BRSK2: variants seen among roughly 807,000 people sequenced by gnomAD.
The protein encoded by BRSK2 is serine/threonine-protein kinase BRSK2.
A neutral mutation model predicts 83.3 loss-of-function variants in BRSK2; 19 were observed. The observed-to-expected ratio is 0.23, with a 90% CI of 0.16 to 0.33. The LOEUF is 0.33. Among genes scored for constraint, BRSK2 ranks in the 10% least tolerant of loss-of-function variants. The pLI is 1.00. For synonymous variants in BRSK2, 519 were observed against 435.4 expected (o/e 1.19, Z -2.39); for missense variants, 798 against 1,042.3 (o/e 0.77, Z 3.23).
In BRSK2 at chr11:1,442,527, G is replaced by A. The variant is rs1205772599; in HGVS notation, c.451G>A (p.Glu151Lys). The stretch of plus-strand genomic sequence containing the variant: ...GAAACCTGAAAACCTCCTGCTGGAC[G>A]AGAAGAACAACATCCGCATCGCAGA... ...DLKPENLLLDEKNNIRIADFG... is the reference protein window; with the variant it reads ...DLKPENLLLDKKNNIRIADFG... The change falls in exon 5 of 20, where the codon GAG becomes AAG. Residue 151 changes from glutamate to lysine, a missense_variant. This residue lies in a region of BRSK2 where 109 missense variants were observed against 259.2 expected (regional missense o/e 0.42). Transcript: ENST00000528841. 1.2e-6 allele frequency: 2 copies of A among 1,613,090 alleles called. No homozygotes were observed. The highest frequency in any genetic ancestry group is 1.7e-6 in the Non-Finnish European group (2 of 1,179,774).
Position 1,461,226 on chromosome 11 carries a change from C to G in BRSK2, c.*503C>G. 1 of 616,212 alleles carries G rather than the reference C, an allele frequency of 1.6e-6. No individual in the cohort carries two copies. The highest frequency in any genetic ancestry group is 4.4e-4 in the Middle Eastern group (1 of 2,288). The allele number at this position is 616,212 out of a possible 1,614,324, so 38.2% of individuals were successfully genotyped here. On this transcript the variant is annotated 3_prime_UTR_variant, in exon 20 of 20. Transcript: ENST00000528841. ...TCACCTGACCCCTCAGCAAGAACAG[C>G]CTGCCTGGTGGCCTTCTGGGGCCAG...
chr11:1,460,276 C>T (rs1026848598), intron 19 of BRSK2, among the ~76,000 whole-genome samples: 1 of 152,144 alleles, frequency 6.6e-6, no homozygotes, highest in Non-Finnish European at 1.5e-5. Context: ...CCCCAGCGTA[C>T]AGGGCCCCTG....
Position 1,461,003 on chromosome 11 carries a change from C to G in BRSK2, c.*280C>G. On this transcript the variant is annotated 3_prime_UTR_variant, in exon 20 of 20. Coordinates refer to ENST00000528841, the MANE Select transcript of BRSK2 (RefSeq NM_001256627.2). ...CCGAAAAGTTAACATGTCACCTCCA[C>G]GAGGCCATCCTCTGTGACCGAAGGC... The G allele has an allele frequency of 6.2e-7, 1 of 1,612,146 alleles. No individual in the cohort carries two copies. Among genetic ancestry groups the G allele is most frequent in the East Asian group, 2.2e-5 (1 of 44,840 alleles).
rs914328363 is a variant in BRSK2 at position 1,454,029 on chromosome 11, G to T, written c.1545-456G>T. On this transcript the variant is annotated intron_variant, in intron 15 of 19. Coordinates refer to ENST00000528841, the MANE Select transcript of BRSK2 (RefSeq NM_001256627.2). The surrounding 1 kb of genome is among the most constrained non-coding windows in gnomAD (Gnocchi z 5.2). ...GCCAGCAAGACAGGAGTAGCCTTCT[G>T]TGGCCTCAGAAGCGCCTCCCCACTC... is the stretch of plus-strand genomic sequence containing the variant. 1 of 156,802 alleles carries T rather than the reference G, an allele frequency of 6.4e-6. No individual in the cohort carries two copies. Among genetic ancestry groups the T allele is most frequent in the Non-Finnish European group, 1.4e-5 (1 of 70,914 alleles). 9.7% of individuals were successfully genotyped at this position (156,802 alleles called of 1,614,324 possible).
In BRSK2 at chr11:1,454,587, C is replaced by T; in HGVS notation, c.1647C>T (p.Asp549=). 1.9e-6 allele frequency: 3 copies of T among 1,613,152 alleles called. No homozygotes were observed. Among genetic ancestry groups the T allele is most frequent in the Non-Finnish European group, 1.7e-6 (2 of 1,179,946 alleles). ...KDKPLSSIKA[D]IVHAFLSIPS... ...AACCTCTGAGCTCCATCAAGGCTGA[C>T]ATCGTGCACGCCTTCCTGTCGGTGA... Residue 549 remains aspartate (D), a synonymous_variant, in exon 16 of 20, where the codon GAC becomes GAT. Transcript: ENST00000528841. The surrounding 1 kb of genome is among the most constrained non-coding windows in gnomAD (Gnocchi z 5.2).
chr11:1,457,623 G>T (rs751742046), intron 18 of BRSK2, among the ~76,000 whole-genome samples: 4 of 152,150 alleles, frequency 2.6e-5, no homozygotes, highest in Non-Finnish European at 4.4e-5. Flanking sequence ...GCTGGGCGTC[G>T]TGGGGGAGCA....
intron 1 of BRSK2, chr11:1,411,574 A>C (rs1337537134): frequency 6.3e-7 from 1 of 1,583,138 alleles, no homozygotes; most frequent in Non-Finnish European, 8.5e-7. Context: ...CAGCTGCTCC[A>C]GCCGCACCTC....
chr11:1,406,591 C>T (rs1846891328), intron 1 of BRSK2, among the ~76,000 whole-genome samples: 1 of 152,218 alleles, frequency 6.6e-6, no homozygotes, highest in South Asian at 2.1e-4. Flanking sequence ...AGGGCGGGGG[C>T]CCAAACCCCT....
Position 1,460,818 on chromosome 11 carries a change from C to A in BRSK2, c.*95C>A. 1 of 1,493,202 alleles carries A rather than the reference C, an allele frequency of 6.7e-7. No homozygotes were observed. Among genetic ancestry groups the A allele is most frequent in the Non-Finnish European group, 8.9e-7 (1 of 1,129,900 alleles). The allele number at this position is 1,493,202 out of a possible 1,614,324, so 92.5% of individuals were successfully genotyped here. ...CGAGTGGACCCGCGGCCGCGCCGCC[C>A]GTCCGTCCAGACTGTTCTCAGAGCC... is the stretch of plus-strand genomic sequence containing the variant. On this transcript the variant is annotated 3_prime_UTR_variant, in exon 20 of 20. Transcript: ENST00000528841.
At chr11:1,427,453 T>C (rs1319417005) in intron 1 of BRSK2, among the ~76,000 whole-genome samples, 1 of 152,158 alleles carries the variant, frequency 6.6e-6, no homozygotes. Context: ...AACGTGCTAG[T>C]CTGCTCCCTG....
intron 6 of BRSK2, 22 bp downstream of exon 6, chr11:1,443,161 C>T: frequency 6.5e-7 from 1 of 1,537,524 alleles, no homozygotes. Context: ...CCGCCGCGTG[C>T]AGCTCTGTGG....
chr11:1,448,401 G>T (rs941915130), intron 12 of BRSK2, among the ~76,000 whole-genome samples: 1 of 152,166 alleles, frequency 6.6e-6, no homozygotes, highest in East Asian at 1.9e-4. Flanking sequence ...TGCCTACCTG[G>T]GACCCTCACC....
intron 15 of BRSK2, among the ~76,000 whole-genome samples, chr11:1,451,686 G>A (rs1035200638): frequency 1.3e-5 from 2 of 152,224 alleles, no homozygotes; most frequent in African/African-American, 4.8e-5. Context: ...CGAGCAGGGG[G>A]TACACTGGGC....
At chr11:1,410,543 C>T (rs1439081112) in intron 1 of BRSK2, 4 of 985,458 alleles carry the variant, frequency 4.1e-6, no homozygotes, top group African/African-American at 3.5e-5. Context: ...CTGCTGAGCA[C>T]GAGACGCCGC....
chr11:1,443,248 C>A, intron 6 of BRSK2, 87 bp from the exon 7 acceptor site: 5 of 1,522,032 alleles, frequency 3.3e-6, no homozygotes, highest in Non-Finnish European at 4.4e-6. Context: ...GCTGCCTGTC[C>A]CCGGGCCGAC....
chr11:1,392,741 G>A (rs1463944092), intron 1 of BRSK2, among the ~76,000 whole-genome samples: 3 of 152,242 alleles, frequency 2.0e-5, no homozygotes, highest in Non-Finnish European at 2.9e-5. Flanking sequence ...CCGGTCGGCT[G>A]TCTTCTTCTG....
chr11:1,400,723 TG>T (rs1400630779), intron 1 of BRSK2, among the ~76,000 whole-genome samples: 1 of 151,774 alleles, frequency 6.6e-6, no homozygotes, highest in African/African-American at 2.4e-5. Flanking sequence ...TGGTCGGGGG[TG>T]GGGGCAGGTA....
intron 9 of BRSK2, 73 bp downstream of exon 9, chr11:1,445,075 CG>C: frequency 1.3e-6 from 2 of 1,573,910 alleles, no homozygotes; most frequent in Non-Finnish European, 1.7e-6. Flanking sequence ...CTAGGAAAGG[CG>C]GGGGGAGGGC....
Position 1,460,444 on chromosome 11 carries a change from C to T in BRSK2, c.1988-56C>T, listed in dbSNP as rs1348811220. ...TCCCTCCCCTCCTCTTTCTCTCCCCCTTTTTTTTCTTTTTTCCTTTTTTTT... is the reference window on the plus strand; with the variant it reads ...TCCCTCCCCTCCTCTTTCTCTCCCCTTTTTTTTTCTTTTTTCCTTTTTTTT... On this transcript the variant is annotated intron_variant, in intron 19 of 19. Transcript: ENST00000528841. 6 of 1,138,940 alleles carry T rather than the reference C, an allele frequency of 5.3e-6. No individual in the cohort carries two copies. The African/African-American group carries it at 7.3e-5, about 14-fold the overall frequency. 70.6% of individuals were successfully genotyped at this position (1,138,940 alleles called of 1,614,324 possible).
Sources: gnomAD v4.1 joint callset for allele counts (sites outside exome capture counted in the v4.1 genomes callset) on GRCh38, gnomAD v4.1.1 for gene constraint, gnomAD v4.1.1 regional missense constraint, Gnocchi (gnomAD v3.1) non-coding constraint, MANE v1.5 for transcripts, NCBI Gene and HGNC (gene_info 2026-07-23, HGNC 2026-07-21) for gene names.